PTCHD1: variants seen among roughly 807,000 people sequenced by gnomAD.
The protein encoded by PTCHD1 is patched domain-containing protein 1.
PTCHD1 carries 3 observed loss-of-function variants against 34.6 expected under a neutral mutation model. The ratio of observed to expected loss-of-function variants is 0.09; its 90% CI spans 0.04 to 0.22. PTCHD1 has a LOEUF of 0.22. Among genes scored for constraint, PTCHD1 ranks in the 10% least tolerant of loss-of-function variants. PTCHD1 has a pLI of 1.00. For missense variants in PTCHD1, 504 were observed against 685.5 expected, an observed-to-expected ratio of 0.74 and a Z score of 2.96; for synonymous variants, 305 against 283.1, an observed-to-expected ratio of 1.08 and a Z score of -0.77.
Position 23,393,074 on chromosome X carries a change from A to T in PTCHD1, c.1556A>T (p.Tyr519Phe), listed in dbSNP as rs760581404. The T allele has an allele frequency of 1.2e-5, 15 of 1,210,245 alleles. No individual in the cohort carries two copies. Among genetic ancestry groups the T allele is most frequent in the Non-Finnish European group, 1.7e-5 (15 of 895,066 alleles). The change falls in exon 3 of 3, where the codon TAT (tyrosine) becomes TTT (phenylalanine). Residue 519 changes from tyrosine (Y) to phenylalanine (F), a missense_variant. By Grantham distance (22) the Tyr-to-Phe change is conservative (BLOSUM62 3). Transcript: ENST00000379361. ...TATATTTCCTTTGCCTTAATGGGCT[A>T]TCTGCAGGTCAGTGAAGGGTCAGAC... ...LIYISFALMG[Y>F]LQVSEGSDLS...
At chrX:23,339,969 G>C (rs975146883) in intron 1 of PTCHD1, among the ~76,000 whole-genome samples, 1 of 111,719 alleles carries the variant, frequency 9.0e-6, no homozygotes, top group African/African-American at 3.3e-5. Context: ...GGGGCTGACT[G>C]TGCACCCACC....
At chrX:23,337,432 GCC>G (rs779810074) in intron 1 of PTCHD1, among the ~76,000 whole-genome samples, 47 of 111,505 alleles carry the variant, frequency 4.2e-4, no homozygotes, top group African/African-American at 1.5e-3. Context: ...TCTGCATCCA[GCC>G]CCTACTTTTG....
At chrX:23,363,932 A>G (rs1377690529) in intron 1 of PTCHD1, among the ~76,000 whole-genome samples, 1 of 112,733 alleles carries the variant, frequency 8.9e-6, no homozygotes, top group South Asian at 3.7e-4. Flanking sequence ...AAGAACAACC[A>G]AACTGGAAAC....
chrX:23,337,463 G>A (rs746870705), intron 1 of PTCHD1, among the ~76,000 whole-genome samples: 3 of 111,266 alleles, frequency 2.7e-5, no homozygotes, highest in South Asian at 3.9e-4. Flanking sequence ...GGAGCCAGGG[G>A]ACAGGAAGAT....
intron 1 of PTCHD1, among the ~76,000 whole-genome samples, chrX:23,370,895 T>C: frequency 9.0e-6 from 1 of 111,546 alleles, no homozygotes. Flanking sequence ...CTGTTGTCTT[T>C]TTTCTAAAAT....
intron 2 of PTCHD1, among the ~76,000 whole-genome samples, chrX:23,384,390 T>G (rs1006482459): frequency 3.6e-5 from 4 of 112,111 alleles, no homozygotes; most frequent in East Asian, 5.6e-4. Flanking sequence ...ACCAGGCCAC[T>G]CAGATTCAAG....
upstream of PTCHD1, chrX:23,334,842 C>G (rs2146603874): frequency 9.6e-7 from 1 of 1,045,134 alleles, no homozygotes; most frequent in Non-Finnish European, 1.3e-6. Context: ...CGAGCGTGCG[C>G]CTCGCCCTCC....
chrX:23,337,711 T>G (rs762657060), intron 1 of PTCHD1, among the ~76,000 whole-genome samples: 34 of 111,402 alleles, frequency 3.1e-4, no homozygotes, highest in African/African-American at 9.8e-4. Flanking sequence ...TTTTATGGCG[T>G]CACATTTGAA....
chrX:23,359,430 C>G (rs138671428), intron 1 of PTCHD1, among the ~76,000 whole-genome samples: 11,012 of 111,468 alleles, frequency 0.099, 529 homozygotes, highest in South Asian at 0.18. Context: ...GGAGTTCACT[C>G]ATGATTTGGC....
At position 23,399,166 on chromosome X, in the gene PTCHD1, C is replaced by G. The variant is rs1221547150; in HGVS notation, c.*4981C>G. On this transcript the variant is annotated 3_prime_UTR_variant, in exon 3 of 3. Transcript: ENST00000379361. ...GATGAATCTTTGGTTAGAATTAAGC[C>G]TACCCCTTTGTTTTTCACATGAGAA... is the stretch of plus-strand genomic sequence containing the variant. 5 of 111,897 alleles carry G rather than the reference C, an allele frequency of 4.5e-5. 1 individual carries two copies. In the Admixed American group the frequency reaches 4.7e-4, roughly 11 times the overall value. The allele number at this position is 111,897 out of a possible 1,213,427, so 9.2% of individuals were successfully genotyped here.
chrX:23,381,507 C>CTT (rs771909762), intron 2 of PTCHD1, among the ~76,000 whole-genome samples: 3 of 112,371 alleles, frequency 2.7e-5, no homozygotes, highest in East Asian at 2.8e-4. Flanking sequence ...ATTAGCGTGC[C>CTT]TTATGCCCTG....
At chrX:23,359,893 T>G (rs1921921173) in intron 1 of PTCHD1, among the ~76,000 whole-genome samples, 1 of 112,155 alleles carries the variant, frequency 8.9e-6, no homozygotes, top group South Asian at 3.8e-4. Flanking sequence ...CTTTTCTGCA[T>G]CTATTGAGAT....
At position 23,348,329 on chromosome X, in the gene PTCHD1, A is replaced by G. The variant is rs140266836; in HGVS notation, c.351+13103A>G. 4.7e-3 allele frequency among the ~76,000 whole-genome samples: 517 copies of G among 110,947 alleles called. 1 individual carries two copies. Among genetic ancestry groups the G allele is most frequent in the African/African-American group, 0.016 (477 of 30,579 alleles). On this transcript the variant is annotated intron_variant, in intron 1 of 2. Coordinates refer to ENST00000379361, the MANE Select transcript of PTCHD1 (RefSeq NM_173495.3). ...TTGTGAGACAGGGTTATCAAAATAT[A>G]TGACATACACATAATTGGAATACCA...
chrX:23,390,664 C>T (rs1211156499), intron 2 of PTCHD1, among the ~76,000 whole-genome samples: 1 of 111,582 alleles, frequency 9.0e-6, no homozygotes, highest in African/African-American at 3.3e-5. Flanking sequence ...TAAAACGATG[C>T]CTAGTCAATT....
At chrX:23,353,292 A>G (rs1446643820) in intron 1 of PTCHD1, among the ~76,000 whole-genome samples, 1 of 112,668 alleles carries the variant, frequency 8.9e-6, no homozygotes, top group Non-Finnish European at 1.9e-5. Flanking sequence ...TTTTTTTGAA[A>G]AAATTTAAGC....
At chrX:23,342,277 T>TATAA (rs1921334957) in intron 1 of PTCHD1, among the ~76,000 whole-genome samples, 1 of 4,406 alleles carries the variant, frequency 2.3e-4, no homozygotes, top group Non-Finnish European at 3.1e-4. Flanking sequence ...TATATATATA[T>TATAA]ATATATATAT....
chrX:23,386,964 G>C lies in PTCHD1; in HGVS notation c.1013-5567G>C, dbSNP rs145995390. Reference sequence around the variant, plus strand: ...CTGCTAGTGTGGAGAGGTTTAAAATGTGAGTAGCACCCAGCGGCATCTCTC... The same window carrying C: ...CTGCTAGTGTGGAGAGGTTTAAAATCTGAGTAGCACCCAGCGGCATCTCTC... On this transcript the variant is annotated intron_variant, in intron 2 of 2. Coordinates refer to ENST00000379361, the MANE Select transcript of PTCHD1 (RefSeq NM_173495.3). 6.6e-3 allele frequency among the ~76,000 whole-genome samples: 739 copies of C among 112,345 alleles called. 10 individuals carry two copies. Among genetic ancestry groups the C allele is most frequent in the African/African-American group, 0.022 (696 of 30,943 alleles).
intron 1 of PTCHD1, among the ~76,000 whole-genome samples, chrX:23,343,348 G>A (rs1470629325): frequency 8.9e-6 from 1 of 111,891 alleles, no homozygotes; most frequent in Non-Finnish European, 1.9e-5. Flanking sequence ...GTATGAACTT[G>A]ACCTCAGTCC....
At position 23,368,432 on chromosome X, in the gene PTCHD1, A is replaced by T. The variant is rs766701594; in HGVS notation, c.352-11159A>T. Among the ~76,000 whole-genome samples, 3 of 112,224 alleles carry T rather than the reference A, an allele frequency of 2.7e-5. No homozygotes were observed. The East Asian group carries it at 8.4e-4, about 31-fold the overall frequency. ...TTGGGTACAAATGAAGTATCATTCA[A>T]TGTCACCGGAGAAATATAAATCAGC... On this transcript the variant is annotated intron_variant, in intron 1 of 2. Coordinates refer to ENST00000379361, the MANE Select transcript of PTCHD1 (RefSeq NM_173495.3).
Sources: gnomAD v4.1 joint callset for allele counts (sites outside exome capture counted in the v4.1 genomes callset) on GRCh38, gnomAD v4.1.1 for gene constraint, MANE v1.5 for transcripts, NCBI Gene and HGNC (gene_info 2026-07-23, HGNC 2026-07-21) for gene names.